Variants in PALS2 observed in about 807,000 individuals in gnomAD.
The protein encoded by PALS2 is protein PALS2.
A neutral mutation model predicts 61.6 loss-of-function variants in PALS2; 27 were observed. That is an observed-to-expected ratio of 0.44 (90% CI 0.32 to 0.60). The LOEUF is 0.60. PALS2 is among the 20% of genes least tolerant of loss of function. PALS2 has a pLI of 0.05. For missense variants in PALS2, 554 were observed against 639.4 expected (o/e 0.87, Z 1.44); for synonymous variants, 236 against 218.6 (o/e 1.08, Z -0.70).
At chr7:24,641,648 A>G in intron 2 of PALS2, 68 bp from the exon 3 acceptor site, 1 of 1,358,280 alleles carries the variant, frequency 7.4e-7, no homozygotes, top group Non-Finnish European at 1.0e-6. Context: ...TACGAAAAAG[A>G]AATAAACCAT....
At chr7:24,647,973 G>A (rs778373898) in intron 3 of PALS2, among the ~76,000 whole-genome samples, 9 of 152,148 alleles carry the variant, frequency 5.9e-5, no homozygotes, top group Admixed American at 2.0e-4. Flanking sequence ...AGTCACAGGA[G>A]TAAATGAAAC....
At chr7:24,610,155 A>G (rs1483173424) in intron 1 of PALS2, among the ~76,000 whole-genome samples, 1 of 152,102 alleles carries the variant, frequency 6.6e-6, no homozygotes, top group Non-Finnish European at 1.5e-5. Flanking sequence ...TTTTCCATGT[A>G]TTATTTAGCA....
At chr7:24,608,661 G>T (rs1784010812) in intron 1 of PALS2, among the ~76,000 whole-genome samples, 1 of 152,092 alleles carries the variant, frequency 6.6e-6, no homozygotes, top group South Asian at 2.1e-4. Flanking sequence ...TTACCTAGTA[G>T]CACAGTCACA....
chr7:24,614,282 T>C (rs1220969311), intron 1 of PALS2, among the ~76,000 whole-genome samples: 1 of 151,882 alleles, frequency 6.6e-6, no homozygotes, highest in African/African-American at 2.4e-5. Flanking sequence ...TTATTATAAA[T>C]ATAATAGCTT....
At chr7:24,634,466 G>A (rs1336133849) in intron 2 of PALS2, among the ~76,000 whole-genome samples, 4 of 152,068 alleles carry the variant, frequency 2.6e-5, no homozygotes, top group Non-Finnish European at 5.9e-5. Flanking sequence ...TCCTGACCTC[G>A]TGATCCATCC....
chr7:24,586,503 C>T (rs1328348915), intron 1 of PALS2, among the ~76,000 whole-genome samples: 2 of 152,046 alleles, frequency 1.3e-5, no homozygotes, highest in Non-Finnish European at 2.9e-5. Context: ...AGAGTGAAGG[C>T]ATTTAGGTGA....
chr7:24,579,310 G>A (rs575075272), intron 1 of PALS2, among the ~76,000 whole-genome samples: 13 of 152,286 alleles, frequency 8.5e-5, no homozygotes, highest in Admixed American at 3.3e-4. Context: ...CACATTGTTG[G>A]TGGAAACACA....
chr7:24,625,030 T>C (rs1784683541), intron 2 of PALS2, among the ~76,000 whole-genome samples: 1 of 152,230 alleles, frequency 6.6e-6, no homozygotes, highest in Admixed American at 6.5e-5. Context: ...CATTTTTTAC[T>C]ATAGCCTTTC....
At chr7:24,582,668 AAAACCT>A (rs934198367) in intron 1 of PALS2, among the ~76,000 whole-genome samples, 3 of 152,040 alleles carry the variant, frequency 2.0e-5, no homozygotes, top group Admixed American at 2.0e-4. Context: ...TGTTATATGG[AAAACCT>A]AACTTTAGTT....
intron 1 of PALS2, among the ~76,000 whole-genome samples, chr7:24,583,627 C>CT (rs777224415): frequency 3.1e-3 from 407 of 131,298 alleles, no homozygotes; most frequent in Middle Eastern, 0.019. Context: ...CAGATCCTTT[C>CT]TTTTTTTTTT....
rs1437683176 is a variant in PALS2 at position 24,689,585 on chromosome 7, T to C, written c.*1971T>C. The stretch of plus-strand genomic sequence containing the variant: ...TGGAAATCTATAGGTTTTTCTTTTT[T>C]TTTTTTTTTTTCTTTTTTTGATTCT... On this transcript the variant is annotated 3_prime_UTR_variant, in exon 12 of 12. Transcript: ENST00000222644. The C allele has an allele frequency of 2.0e-5, 3 of 151,400 alleles. No homozygotes were observed. The highest frequency in any genetic ancestry group is 2.9e-5 in the Non-Finnish European group (2 of 67,854). The allele number at this position is 151,400 out of a possible 1,614,324, so 9.4% of individuals were successfully genotyped here.
At chr7:24,635,891 C>T (rs771531974) in intron 2 of PALS2, among the ~76,000 whole-genome samples, 11 of 152,064 alleles carry the variant, frequency 7.2e-5, no homozygotes, top group Non-Finnish European at 1.2e-4. Flanking sequence ...CATACACACA[C>T]ACACCTTTTT....
intron 1 of PALS2, among the ~76,000 whole-genome samples, chr7:24,606,908 T>C (rs1783920208): frequency 6.6e-6 from 1 of 152,218 alleles, no homozygotes; most frequent in African/African-American, 2.4e-5. Context: ...ATGCTTCATG[T>C]ACACTTTGTG....
At chr7:24,591,235 A>T (rs926518111) in intron 1 of PALS2, among the ~76,000 whole-genome samples, 1 of 152,108 alleles carries the variant, frequency 6.6e-6, no homozygotes, top group Non-Finnish European at 1.5e-5. Context: ...ATCAATGTAA[A>T]TACCTTTCCA....
chr7:24,620,608 A>G (rs1251152980), intron 1 of PALS2, among the ~76,000 whole-genome samples: 1 of 152,182 alleles, frequency 6.6e-6, no homozygotes, highest in East Asian at 1.9e-4. Flanking sequence ...GCACTTCAAG[A>G]ATCAATACAG....
chr7:24,686,491 C>T (rs1019923233), intron 11 of PALS2, among the ~76,000 whole-genome samples: 1 of 152,188 alleles, frequency 6.6e-6, no homozygotes, highest in Non-Finnish European at 1.5e-5. Context: ...TGCCTGAATG[C>T]TGACCTCCTT....
chr7:24,603,195 G>T (rs1289591786), intron 1 of PALS2, among the ~76,000 whole-genome samples: 1 of 152,122 alleles, frequency 6.6e-6, no homozygotes, highest in African/African-American at 2.4e-5. Context: ...AGCTACCCAG[G>T]CTATATTTTT....
intron 1 of PALS2, among the ~76,000 whole-genome samples, chr7:24,578,752 A>G (rs532416812): frequency 1.3e-4 from 20 of 152,320 alleles, no homozygotes; most frequent in African/African-American, 4.8e-4. Flanking sequence ...TGCTGTAACC[A>G]CATGTAATGG....
intron 1 of PALS2, among the ~76,000 whole-genome samples, chr7:24,617,804 G>A (rs1256040560): frequency 6.6e-6 from 1 of 152,182 alleles, no homozygotes; most frequent in African/African-American, 2.4e-5. Flanking sequence ...TTATGGCCAT[G>A]GGGCTGTTAC....
Sources: gnomAD v4.1 joint callset for allele counts (sites outside exome capture counted in the v4.1 genomes callset) on GRCh38, gnomAD v4.1.1 for gene constraint, MANE v1.5 for transcripts, NCBI Gene and HGNC (gene_info 2026-07-23, HGNC 2026-07-21) for gene names.